Variants in STK40 observed in about 807,000 individuals in gnomAD.
STK40 encodes serine/threonine-protein kinase 40.
Under a neutral mutation model 47.9 loss-of-function variants are expected in STK40, and 13 were observed. That is an observed-to-expected ratio of 0.27 (90% confidence interval 0.18 to 0.43). The LOEUF (loss-of-function observed/expected upper bound fraction) is 0.43, where lower values mean the gene tolerates loss of function less well. Ranked by LOEUF, STK40 falls within the 20% of genes least tolerant of loss-of-function variation. STK40 has a pLI of 1.00. For synonymous variants in STK40, 225 were observed against 243.2 expected (o/e 0.93, Z 0.69); for missense variants, 460 against 595.1 (o/e 0.77, Z 2.36).
At chr1:36,345,611 G>T (rs1385448013) in intron 7 of STK40, among the ~76,000 whole-genome samples, 3 of 152,118 alleles carry the variant, frequency 2.0e-5, no homozygotes, top group Non-Finnish European at 4.4e-5. Flanking sequence ...CCTTTTCCTA[G>T]AACTTGCTCC....
chr1:36,381,567 G>A (rs888053872), intron 1 of STK40, among the ~76,000 whole-genome samples: 1 of 152,064 alleles, frequency 6.6e-6, no homozygotes, highest in African/African-American at 2.4e-5. Context: ...TGGGAGTTGG[G>A]AACTCCCAGG....
chr1:36,348,562 G>C (rs1353669491), intron 7 of STK40, 138 bp downstream of exon 7: 1 of 688,644 alleles, frequency 1.5e-6, no homozygotes, highest in Non-Finnish European at 2.6e-6. Flanking sequence ...TTTTGTATGG[G>C]GAGGGACAGT....
chr1:36,375,197 C>T (rs560685455), intron 1 of STK40, among the ~76,000 whole-genome samples: 6 of 152,250 alleles, frequency 3.9e-5, no homozygotes, highest in South Asian at 2.1e-4. Flanking sequence ...AGGCACTAGA[C>T]GCTTAACTTA....
At chr1:36,381,598 C>T (rs1647039866) in intron 1 of STK40, among the ~76,000 whole-genome samples, 1 of 152,188 alleles carries the variant, frequency 6.6e-6, no homozygotes. Flanking sequence ...CCTCCCACTT[C>T]AGCCTTCCAA....
intron 10 of STK40, 192 bp downstream of exon 10, chr1:36,343,172 C>T (rs1359258273): frequency 2.7e-6 from 2 of 731,254 alleles, no homozygotes; most frequent in East Asian, 2.7e-5. Flanking sequence ...TCCAGCTACA[C>T]CAAGCCCAAG....
At position 36,380,280 on chromosome 1, in the gene STK40, C is replaced by T. The variant is rs558135809; in HGVS notation, c.-9+5443G>A. Among the ~76,000 whole-genome samples, 9 of 152,258 alleles carry T rather than the reference C, an allele frequency of 5.9e-5. No homozygotes were observed. The East Asian group carries it at 1.7e-3, about 29-fold the overall frequency. On this transcript the variant is annotated intron_variant, in intron 1 of 10. Coordinates refer to ENST00000373132, the MANE Select transcript of STK40 (RefSeq NM_001282547.2). ...TTTCTTTACACCACAAACCCAAGGA[C>T]AAATCATGTAAAAAAATCTCCCAAA... is the stretch of plus-strand genomic sequence containing the variant.
At chr1:36,353,027 G>A (rs1646773176) in intron 6 of STK40, among the ~76,000 whole-genome samples, 1 of 152,210 alleles carries the variant, frequency 6.6e-6, no homozygotes, top group Non-Finnish European at 1.5e-5. Flanking sequence ...CCTCCCCGGA[G>A]GCCAACCTCC....
At chr1:36,363,948 G>A (rs184803810) in intron 1 of STK40, among the ~76,000 whole-genome samples, 100 of 152,020 alleles carry the variant, frequency 6.6e-4, no homozygotes, top group African/African-American at 2.2e-3. Context: ...TCAGGAGATC[G>A]AGACCATCCT....
At chr1:36,365,587 G>A (rs182693020) in intron 1 of STK40, among the ~76,000 whole-genome samples, 2 of 152,298 alleles carry the variant, frequency 1.3e-5, no homozygotes, top group African/African-American at 4.8e-5. Context: ...AGCAGAGAAG[G>A]GTAAAACTGC....
rs1221205440 is a variant in STK40 at position 36,351,258 on chromosome 1, CTTG to C, written c.624-2446_624-2444del. ...CTTTTAAAATCCAAAGCGGGGTGAA[CTTG>C]TTGTTGCAGCTGCCTTGCCAACACC... is the stretch of plus-strand genomic sequence containing the variant. On this transcript the variant is annotated intron_variant, in intron 6 of 10. Coordinates refer to ENST00000373132, the MANE Select transcript of STK40 (RefSeq NM_001282547.2). 2.0e-5 allele frequency among the ~76,000 whole-genome samples: 3 copies of C among 152,178 alleles called. No individual in the cohort carries two copies. In the South Asian group the frequency reaches 6.2e-4, roughly 32 times the overall value.
intron 1 of STK40, among the ~76,000 whole-genome samples, chr1:36,379,780 G>C (rs969120416): frequency 6.6e-6 from 1 of 152,006 alleles, no homozygotes; most frequent in African/African-American, 2.4e-5. Flanking sequence ...GAAAAATAAG[G>C]CTGCCCCAAT....
At chr1:36,370,904 T>C (rs1385989486) in intron 1 of STK40, among the ~76,000 whole-genome samples, 2 of 149,400 alleles carry the variant, frequency 1.3e-5, no homozygotes, top group Non-Finnish European at 3.0e-5. Context: ...TTTGATGGAG[T>C]CTTGCTCTGT....
At chr1:36,356,412 CTTTT>C (rs1458323715) in intron 4 of STK40, among the ~76,000 whole-genome samples, 1 of 134,300 alleles carries the variant, frequency 7.4e-6, no homozygotes, top group African/African-American at 2.9e-5. Context: ...CACATTTCTT[CTTTT>C]TCTTTTTTTT....
intron 4 of STK40, among the ~76,000 whole-genome samples, chr1:36,356,507 G>A (rs1646806524): frequency 7.0e-6 from 1 of 143,030 alleles, no homozygotes; most frequent in South Asian, 2.2e-4. Context: ...CTCACTGCAA[G>A]CTCTGCCTCC....
At chr1:36,364,127 G>C (rs2124741862) in intron 1 of STK40, among the ~76,000 whole-genome samples, 1 of 152,176 alleles carries the variant, frequency 6.6e-6, no homozygotes, top group African/African-American at 2.4e-5. Flanking sequence ...CTCCAGCCTG[G>C]GTGACAGAGC....
At chr1:36,344,082 C>G in intron 8 of STK40, 38 bp downstream of exon 8, 3 of 1,600,466 alleles carry the variant, frequency 1.9e-6, no homozygotes, top group Non-Finnish European at 2.6e-6. Context: ...GCCCATCAGG[C>G]TGGCTGCCCC....
chr1:36,371,470 C>T (rs1292019101), intron 1 of STK40, among the ~76,000 whole-genome samples: 1 of 151,502 alleles, frequency 6.6e-6, no homozygotes, highest in Non-Finnish European at 1.5e-5. Flanking sequence ...AGGAGAATGG[C>T]GTGAACCCAG....
chr1:36,381,444 T>TA (rs1647038376), intron 1 of STK40, among the ~76,000 whole-genome samples: 2 of 152,132 alleles, frequency 1.3e-5, no homozygotes, highest in African/African-American at 4.8e-5. Context: ...GAGGGCTTCA[T>TA]AGACCCCCAG....
chr1:36,357,657 C>T (rs765452543), intron 4 of STK40, among the ~76,000 whole-genome samples: 2 of 151,796 alleles, frequency 1.3e-5, no homozygotes, highest in Non-Finnish European at 3.0e-5. Flanking sequence ...CGCTCTGTCA[C>T]CCAGGCTGGA....
Sources: allele counts gnomAD v4.1 joint callset (sites outside exome capture counted in the v4.1 genomes callset), GRCh38; gene constraint gnomAD v4.1.1; transcripts MANE v1.5; gene names NCBI Gene and HGNC (gene_info 2026-07-23, HGNC 2026-07-21).